PAPPA2: variants seen among roughly 807,000 people sequenced by gnomAD.
PAPPA2 encodes pappalysin 2.
A neutral mutation model predicts 176.4 loss-of-function variants in PAPPA2; 86 were observed. The ratio of observed to expected loss-of-function variants is 0.49; its 90% CI spans 0.41 to 0.58. The LOEUF (loss-of-function observed/expected upper bound fraction) is 0.58. Among genes scored for constraint, PAPPA2 ranks in the 20% least tolerant of loss-of-function variants. PAPPA2 has a pLI of 0.00. For missense variants in PAPPA2, 2,073 were observed against 2,256.9 expected (o/e 0.92, Z 1.65); for synonymous variants, 809 against 852.2 (o/e 0.95, Z 0.88).
At chr1:176,778,272 GTGGC>G (rs1664552172) in intron 17 of PAPPA2, among the ~76,000 whole-genome samples, 1 of 152,070 alleles carries the variant, frequency 6.6e-6, no homozygotes, top group Non-Finnish European at 1.5e-5. Context: ...AAGTACTACA[GTGGC>G]TTCAAATAGA....
intron 3 of PAPPA2, among the ~76,000 whole-genome samples, chr1:176,666,998 C>A (rs943522564): frequency 2.6e-5 from 4 of 152,150 alleles, no homozygotes; most frequent in African/African-American, 9.7e-5. Context: ...GTAATCCCAG[C>A]ACTTTGGGAG....
rs548467568 is a variant in PAPPA2, at chr1:176,539,366, C to G, written c.-916-16041C>G. ...AGGCTCATGTCATGGTGGCCTGATC[C>G]AGCAGGAGCCACAGATGCCACCCTC... is the stretch of plus-strand genomic sequence containing the variant. On this transcript the variant is annotated intron_variant, in intron 1 of 22. Transcript: ENST00000367662. Among the ~76,000 whole-genome samples, 3 of 152,310 alleles carry G rather than the reference C, an allele frequency of 2.0e-5. No homozygotes were observed. In the East Asian group the frequency reaches 5.8e-4, roughly 29 times the overall value.
intron 12 of PAPPA2, among the ~76,000 whole-genome samples, chr1:176,721,402 C>T (rs192708535): frequency 6.6e-6 from 1 of 152,166 alleles, no homozygotes; most frequent in Non-Finnish European, 1.5e-5. Flanking sequence ...CATTTCTATG[C>T]TTCCACTATT....
chr1:176,830,542 G>A (rs1182311914), intron 21 of PAPPA2, among the ~76,000 whole-genome samples: 2 of 152,198 alleles, frequency 1.3e-5, no homozygotes, highest in African/African-American at 4.8e-5. Flanking sequence ...TTAATACACA[G>A]TTGGTTGGCT....
Position 176,556,152 on chromosome 1 carries a change from G to A in PAPPA2, c.-171G>A. On this transcript the variant is annotated 5_prime_UTR_variant, in exon 2 of 23. Coordinates refer to ENST00000367662, the MANE Select transcript of PAPPA2 (RefSeq NM_020318.3). ...CACACTGGCAGAGCGGCCAGCACAGGTAGCCAGCAGAGGCATTCTTGGGGC... is the reference window on the plus strand; with the variant it reads ...CACACTGGCAGAGCGGCCAGCACAGATAGCCAGCAGAGGCATTCTTGGGGC... 1.3e-6 allele frequency: 1 copy of A among 756,224 alleles called. No homozygotes were observed. The highest frequency in any genetic ancestry group is 2.1e-6 in the Non-Finnish European group (1 of 471,966). 46.8% of individuals were successfully genotyped at this position (756,224 alleles called of 1,614,324 possible).
At chr1:176,528,634 C>T (rs1649625137) in intron 1 of PAPPA2, among the ~76,000 whole-genome samples, 1 of 152,222 alleles carries the variant, frequency 6.6e-6, no homozygotes, top group Non-Finnish European at 1.5e-5. Flanking sequence ...TTTGTTGTTT[C>T]ATCTGATTGA....
chr1:176,700,379 G>A (rs1424710627), intron 8 of PAPPA2, among the ~76,000 whole-genome samples: 2 of 152,154 alleles, frequency 1.3e-5, no homozygotes, highest in Admixed American at 6.6e-5. Flanking sequence ...GATACTGTCA[G>A]TTAGTTTTTG....
At chr1:176,732,888 T>C (rs1235433882) in intron 12 of PAPPA2, among the ~76,000 whole-genome samples, 12 of 152,204 alleles carry the variant, frequency 7.9e-5, no homozygotes, top group Non-Finnish European at 1.3e-4. Context: ...TACTGGTCCG[T>C]AGCCTGTTAG....
chr1:176,793,424 C>G, intron 19 of PAPPA2, 136 bp from the exon 20 acceptor site: 2 of 692,696 alleles, frequency 2.9e-6, no homozygotes, highest in South Asian at 1.7e-5. Flanking sequence ...AATATCAGCC[C>G]TGCCTACAAC....
At chr1:176,636,061 G>A (rs559347514) in intron 3 of PAPPA2, among the ~76,000 whole-genome samples, 6 of 152,158 alleles carry the variant, frequency 3.9e-5, no homozygotes, top group East Asian at 3.9e-4. Flanking sequence ...GCTATTCTTC[G>A]ATGTTCTTTC....
chr1:176,694,289 T>C (rs1272675013), intron 6 of PAPPA2, among the ~76,000 whole-genome samples: 1 of 152,232 alleles, frequency 6.6e-6, no homozygotes, highest in Non-Finnish European at 1.5e-5. Flanking sequence ...CTACACCTTT[T>C]AGTTTCCAAA....
chr1:176,700,253 G>A (rs990406377), intron 8 of PAPPA2, among the ~76,000 whole-genome samples: 3 of 152,156 alleles, frequency 2.0e-5, no homozygotes, highest in Non-Finnish European at 2.9e-5. Flanking sequence ...TACTTACAAA[G>A]AATTCAATAT....
chr1:176,710,311 G>A (rs1661087493), intron 11 of PAPPA2, 135 bp downstream of exon 11: 2 of 749,888 alleles, frequency 2.7e-6, no homozygotes, highest in Admixed American at 3.0e-5. Flanking sequence ...GAACATTACT[G>A]GATCTGCCAG....
intron 2 of PAPPA2, among the ~76,000 whole-genome samples, chr1:176,577,579 G>C (rs897294354): frequency 6.6e-6 from 1 of 152,180 alleles, no homozygotes; most frequent in African/African-American, 2.4e-5. Context: ...ACCTCCCCAA[G>C]CTTCTTTTTT....
chr1:176,711,681 A>G (rs1311258366), intron 11 of PAPPA2, among the ~76,000 whole-genome samples, 154 bp from the exon 12 acceptor site: 1 of 152,170 alleles, frequency 6.6e-6, no homozygotes, highest in Non-Finnish European at 1.5e-5. Context: ...GCACTGAGAA[A>G]TTCTTCAATG....
intron 1 of PAPPA2, among the ~76,000 whole-genome samples, chr1:176,554,606 T>A (rs1035943497): frequency 6.6e-6 from 1 of 152,246 alleles, no homozygotes; most frequent in African/African-American, 2.4e-5. Flanking sequence ...ACATGGTTCC[T>A]TGGGTCTAGC....
At chr1:176,466,381 C>T (rs1651621360) in intron 1 of PAPPA2, among the ~76,000 whole-genome samples, 1 of 152,156 alleles carries the variant, frequency 6.6e-6, no homozygotes, top group Non-Finnish European at 1.5e-5. Context: ...CAAGCACCAT[C>T]ATCTGATTGG....
chr1:176,711,875 C>A lies in PAPPA2; in HGVS notation c.3692C>A (p.Pro1231His). Residue 1231 changes from proline to histidine, a missense_variant, in exon 12 of 23, where the codon CCC becomes CAC. Transcript: ENST00000367662. ...CATCCAGATTTACCCAACCACCGTCCCCTAACTGGCTGGTTTCCCTGTGTT... is the reference window on the plus strand; with the variant it reads ...CATCCAGATTTACCCAACCACCGTCACCTAACTGGCTGGTTTCCCTGTGTT... ...SYHPDLPNHR[P>H]LTGWFPCVAS... 6.2e-7 allele frequency: 1 copy of A among 1,612,558 alleles called. No homozygotes were observed. Among genetic ancestry groups the A allele is most frequent in the Non-Finnish European group, 8.5e-7 (1 of 1,178,740 alleles).
At chr1:176,475,274 A>G (rs1281289804) in intron 1 of PAPPA2, among the ~76,000 whole-genome samples, 1 of 152,194 alleles carries the variant, frequency 6.6e-6, no homozygotes, top group Non-Finnish European at 1.5e-5. Flanking sequence ...AATATTTGTG[A>G]AATGAATGGA....
Sources: gnomAD v4.1 joint callset for allele counts (sites outside exome capture counted in the v4.1 genomes callset) on GRCh38, gnomAD v4.1.1 for gene constraint, MANE v1.5 for transcripts, NCBI Gene and HGNC (gene_info 2026-07-23, HGNC 2026-07-21) for gene names.